The following CACNG2 variants were observed in gnomAD, a reference collection of about 807,000 sequenced individuals.
CACNG2 encodes voltage-dependent calcium channel gamma-2 subunit.
In CACNG2, 3 loss-of-function variants were observed where a neutral mutation model predicts 25.9. That is an observed-to-expected ratio of 0.12 (90% CI 0.05 to 0.30). CACNG2 has a LOEUF of 0.30. CACNG2 is among the 10% of genes least tolerant of loss of function. The probability of loss-of-function intolerance (pLI) is 1.00; values close to 1 mark genes in which losing one functional copy is unlikely to be tolerated. For synonymous variants in CACNG2, 167 were observed against 173.3 expected, an observed-to-expected ratio of 0.96 and a Z score of 0.29; for missense variants, 341 against 432.5, an observed-to-expected ratio of 0.79 and a Z score of 1.88.
chr22:36,638,473 C>A (rs1936393249), intron 1 of CACNG2, among the ~76,000 whole-genome samples: 1 of 152,176 alleles, frequency 6.6e-6, no homozygotes, highest in Admixed American at 6.5e-5. Context: ...CTGGAAGGCT[C>A]TAAGCTCTTA....
At chr22:36,632,088 CTG>C (rs1313934676) in intron 1 of CACNG2, among the ~76,000 whole-genome samples, 17 of 152,248 alleles carry the variant, frequency 1.1e-4, no homozygotes, top group African/African-American at 3.4e-4. Context: ...GATGGAACCT[CTG>C]TATTTACAAC....
intron 1 of CACNG2, among the ~76,000 whole-genome samples, chr22:36,685,179 T>A (rs899276702): frequency 1.3e-4 from 20 of 152,060 alleles, no homozygotes; most frequent in Non-Finnish European, 4.4e-5. Context: ...GCAGGGGGTG[T>A]CTCTCCCAGC....
intron 1 of CACNG2, among the ~76,000 whole-genome samples, chr22:36,678,061 T>C (rs1461713063): frequency 6.6e-6 from 1 of 152,122 alleles, no homozygotes; most frequent in African/African-American, 2.4e-5. Context: ...ATGCCAATGG[T>C]CGCAAAGGAG....
chr22:36,643,520 C>CTATCTATCTATCTATG (rs1382715925), intron 1 of CACNG2, among the ~76,000 whole-genome samples: 12 of 151,356 alleles, frequency 7.9e-5, no homozygotes, highest in African/African-American at 2.9e-4. Context: ...ATCTATCTAT[C>CTATCTATCTATCTATG]TATCCATCAT....
chr22:36,572,730 C>A (rs1935252799), intron 2 of CACNG2, among the ~76,000 whole-genome samples: 1 of 150,860 alleles, frequency 6.6e-6, no homozygotes, highest in African/African-American at 2.4e-5. Flanking sequence ...AAAAAAAAAT[C>A]AGGTGGTGGG....
intron 1 of CACNG2, among the ~76,000 whole-genome samples, chr22:36,677,643 A>G (rs1937036759): frequency 6.6e-6 from 1 of 152,244 alleles, no homozygotes; most frequent in Non-Finnish European, 1.5e-5. Context: ...ATAGCAGGTC[A>G]CGAGTGTATG....
chr22:36,576,534 A>C (rs1482175811), intron 2 of CACNG2, among the ~76,000 whole-genome samples: 2 of 129,138 alleles, frequency 1.5e-5, no homozygotes, highest in Non-Finnish European at 3.5e-5. Context: ...GGAAATAAAA[A>C]ATTAAAAAAA....
intron 1 of CACNG2, among the ~76,000 whole-genome samples, chr22:36,638,184 C>T (rs1412802555): frequency 6.6e-6 from 1 of 152,184 alleles, no homozygotes; most frequent in Non-Finnish European, 1.5e-5. Context: ...CTGCCTATGG[C>T]CCAGGCGACT....
chr22:36,604,013 A>T (rs796508511), intron 1 of CACNG2, among the ~76,000 whole-genome samples: 19 of 152,288 alleles, frequency 1.2e-4, no homozygotes, highest in African/African-American at 4.3e-4. Flanking sequence ...CAAAGTAAAT[A>T]AAAAAATCTT....
At chr22:36,683,136 G>A (rs761970761) in intron 1 of CACNG2, among the ~76,000 whole-genome samples, 8 of 152,150 alleles carry the variant, frequency 5.3e-5, no homozygotes, top group Non-Finnish European at 1.0e-4. Context: ...TCTCATTGCT[G>A]TATAGACAAG....
At chr22:36,589,633 C>T (rs1296127236) in intron 1 of CACNG2, among the ~76,000 whole-genome samples, 2 of 152,166 alleles carry the variant, frequency 1.3e-5, no homozygotes, top group Non-Finnish European at 2.9e-5. Context: ...GACTTCTGGT[C>T]GCTTCACTGA....
intron 1 of CACNG2, among the ~76,000 whole-genome samples, chr22:36,611,965 G>A (rs1569029167): frequency 6.6e-6 from 1 of 152,190 alleles, no homozygotes; most frequent in Non-Finnish European, 1.5e-5. Flanking sequence ...TGTAAACCGG[G>A]TTAATAACAC....
intron 1 of CACNG2, among the ~76,000 whole-genome samples, chr22:36,669,260 G>A (rs1037313942): frequency 5.3e-5 from 8 of 152,006 alleles, no homozygotes; most frequent in Admixed American, 5.2e-4. Context: ...CCAGCACTTT[G>A]GGAGGCTGAG....
chr22:36,566,556 A>T, intron 2 of CACNG2, 63 bp from the exon 3 acceptor site: 1 of 1,582,878 alleles, frequency 6.3e-7, no homozygotes, highest in Non-Finnish European at 8.7e-7. Context: ...AGGCACACAG[A>T]GGCAGGTGGG....
rs557691942 is a variant in CACNG2, at chr22:36,625,607, G to A, written c.212-38059C>T. ...AATGTATCACATCCAGATCATCACC[G>A]ATGATAGCAGCTAATTTGGGTTTTT... is the stretch of plus-strand genomic sequence containing the variant. On this transcript the variant is annotated intron_variant, in intron 1 of 3. Transcript: ENST00000300105. 3.3e-5 allele frequency among the ~76,000 whole-genome samples: 5 copies of A among 152,292 alleles called. No homozygotes were observed. In the South Asian group the frequency reaches 8.3e-4, roughly 25 times the overall value.
chr22:36,653,436 G>C (rs1350448484), intron 1 of CACNG2, among the ~76,000 whole-genome samples: 1 of 152,208 alleles, frequency 6.6e-6, no homozygotes, highest in Non-Finnish European at 1.5e-5. Context: ...ACGATTTAGC[G>C]ACCTTAGTTC....
At chr22:36,581,925 A>C (rs1199748670) in intron 2 of CACNG2, among the ~76,000 whole-genome samples, 2 of 152,168 alleles carry the variant, frequency 1.3e-5, no homozygotes, top group East Asian at 3.9e-4. Context: ...CCCCAGTCTC[A>C]ACCTGTTGTT....
rs1244169840 is a variant in CACNG2 at position 36,609,965 on chromosome 22, G to A, written c.212-22417C>T. 3.3e-5 allele frequency among the ~76,000 whole-genome samples: 5 copies of A among 151,546 alleles called. 1 individual carries two copies. The highest frequency in any genetic ancestry group is 6.6e-5 in the Admixed American group (1 of 15,242). ...CAGGCAGGAATCAGCCCCCCAGAGC[G>A]TGACCGGGCAGGAATCAGTCTCCCA... On this transcript the variant is annotated intron_variant, in intron 1 of 3. Transcript: ENST00000300105.
intron 2 of CACNG2, among the ~76,000 whole-genome samples, chr22:36,575,478 G>A (rs906370136): frequency 1.3e-5 from 2 of 152,046 alleles, no homozygotes; most frequent in Non-Finnish European, 2.9e-5. Flanking sequence ...GGGGCCCCGA[G>A]GTTTTCTCAC....
Sources: allele counts gnomAD v4.1 joint callset (sites outside exome capture counted in the v4.1 genomes callset), GRCh38; gene constraint gnomAD v4.1.1; transcripts MANE v1.5; gene names NCBI Gene and HGNC (gene_info 2026-07-23, HGNC 2026-07-21).